Variants in ZMYM2 observed in about 807,000 individuals in gnomAD.
The protein encoded by ZMYM2 is zinc finger MYM-type protein 2.
ZMYM2 carries 56 observed loss-of-function variants against 162.8 expected under a neutral mutation model. That is an observed-to-expected ratio of 0.34 (90% CI 0.28 to 0.43). ZMYM2 has a LOEUF of 0.43. ZMYM2 is among the 20% of genes least tolerant of loss of function. The pLI is 1.00. For missense variants in ZMYM2, 1,275 were observed against 1,621.8 expected (o/e 0.79, Z 3.67); for synonymous variants, 510 against 541.6 (o/e 0.94, Z 0.81).
chr13:19,896,044 T>TTGA, the ZMYM2 span, among the ~76,000 whole-genome samples: 2 of 150,730 alleles, frequency 1.3e-5, no homozygotes, highest in Admixed American at 6.6e-5. Flanking sequence ...TTTTTTTTTT[T>TTGA]GAGAGAGTCT....
At chr13:19,907,161 T>C in the ZMYM2 span, among the ~76,000 whole-genome samples, 332 of 152,338 alleles carry the variant, frequency 2.2e-3, no homozygotes, top group Non-Finnish European at 3.5e-3. Context: ...TACTTACATA[T>C]TGAGTTGCAT....
At chr13:19,979,554 G>T (rs1011396073) in intron 2 of ZMYM2, among the ~76,000 whole-genome samples, 1 of 151,654 alleles carries the variant, frequency 6.6e-6, no homozygotes, top group Non-Finnish European at 1.5e-5. Flanking sequence ...AGAGAAAAGA[G>T]AAAATGGTCA....
chr13:20,062,591 A>G (rs1230303535), intron 17 of ZMYM2, among the ~76,000 whole-genome samples: 1 of 152,188 alleles, frequency 6.6e-6, no homozygotes, highest in Admixed American at 6.5e-5. Context: ...AAGCATACCT[A>G]TTAGCTTTTG....
intron 6 of ZMYM2, among the ~76,000 whole-genome samples, chr13:20,007,891 G>A (rs759706996): frequency 5.3e-5 from 8 of 152,148 alleles, no homozygotes; most frequent in African/African-American, 1.9e-4. Context: ...AAAGTGCTGG[G>A]ATTACAGGCA....
chr13:19,870,322 ATTTTTGTAT>A, the ZMYM2 span, among the ~76,000 whole-genome samples: 1 of 151,850 alleles, frequency 6.6e-6, no homozygotes, highest in Non-Finnish European at 1.5e-5. Flanking sequence ...TACCCAGCTA[ATTTTTGTAT>A]TTTTTGTAGT....
At chr13:19,986,686 A>G (rs947598042) in intron 2 of ZMYM2, among the ~76,000 whole-genome samples, 5 of 152,230 alleles carry the variant, frequency 3.3e-5, no homozygotes, top group South Asian at 2.1e-4. Context: ...TTTTTTAAAT[A>G]CAAGTACTGT....
intron 9 of ZMYM2, among the ~76,000 whole-genome samples, chr13:20,028,592 T>C (rs1952787862): frequency 6.6e-6 from 1 of 152,180 alleles, no homozygotes; most frequent in Admixed American, 6.5e-5. Flanking sequence ...CTCCTGCAGA[T>C]ATAAAATTCC....
intron 6 of ZMYM2, among the ~76,000 whole-genome samples, chr13:20,013,794 G>A (rs931674527): frequency 6.6e-6 from 1 of 152,096 alleles, no homozygotes; most frequent in Non-Finnish European, 1.5e-5. Flanking sequence ...TGATTATGGT[G>A]TATAATCCTT....
chr13:19,920,882 C>A, the ZMYM2 span, among the ~76,000 whole-genome samples: 5 of 151,994 alleles, frequency 3.3e-5, no homozygotes, highest in African/African-American at 4.8e-5. Flanking sequence ...CCTGCCTCAG[C>A]CTCCCGAGTA....
At chr13:19,877,468 TA>T in the ZMYM2 span, among the ~76,000 whole-genome samples, 1 of 152,112 alleles carries the variant, frequency 6.6e-6, no homozygotes, top group Non-Finnish European at 1.5e-5. Context: ...CCTGTGAGAG[TA>T]AGAACCTGCC....
intron 2 of ZMYM2, among the ~76,000 whole-genome samples, chr13:19,962,710 A>T (rs550023266): frequency 4.4e-4 from 67 of 150,720 alleles, no homozygotes; most frequent in African/African-American, 1.4e-3. Flanking sequence ...TTTTAGTAGA[A>T]ACAGGATTTC....
At chr13:19,990,480 T>C (rs1414421355) in intron 2 of ZMYM2, among the ~76,000 whole-genome samples, 3 of 152,242 alleles carry the variant, frequency 2.0e-5, no homozygotes, top group African/African-American at 7.2e-5. Context: ...TCTTATCATT[T>C]CGTATTTCAG....
the ZMYM2 span, among the ~76,000 whole-genome samples, chr13:19,934,124 A>G: frequency 6.6e-6 from 1 of 151,976 alleles, no homozygotes. Flanking sequence ...CTTATTTTTT[A>G]TGGTAGTTGT....
the ZMYM2 span, among the ~76,000 whole-genome samples, chr13:19,888,025 G>T: frequency 2.0e-5 from 3 of 151,706 alleles, no homozygotes; most frequent in East Asian, 5.8e-4. Context: ...GGGACTACAG[G>T]TGTGCCACCG....
the ZMYM2 span, among the ~76,000 whole-genome samples, chr13:19,942,539 C>T: frequency 1.7e-5 from 1 of 57,316 alleles, no homozygotes; most frequent in Non-Finnish European, 3.7e-5. Flanking sequence ...ACCGTCTCTA[C>T]AAAAAAAAAA....
At chr13:20,049,712 C>T (rs1488342444) in intron 12 of ZMYM2, among the ~76,000 whole-genome samples, 1 of 151,922 alleles carries the variant, frequency 6.6e-6, no homozygotes, top group Non-Finnish European at 1.5e-5. Context: ...CTTTCTAGAT[C>T]TTAGTTTGCA....
chr13:20,023,699 T>G (rs1328880309), intron 7 of ZMYM2, among the ~76,000 whole-genome samples: 1 of 152,210 alleles, frequency 6.6e-6, no homozygotes, highest in African/African-American at 2.4e-5. Flanking sequence ...CACAAAACTT[T>G]ACATCACTAA....
chr13:19,867,791 A>G, the ZMYM2 span, among the ~76,000 whole-genome samples: 3 of 152,204 alleles, frequency 2.0e-5, no homozygotes, highest in South Asian at 6.2e-4. Context: ...ACGTCCAGCT[A>G]ATTTTTGTAT....
chr13:19,966,125 TG>T (rs1341202629), intron 2 of ZMYM2, among the ~76,000 whole-genome samples: 12 of 148,084 alleles, frequency 8.1e-5, no homozygotes, highest in African/African-American at 2.8e-4. Context: ...TTTTTTTTTT[TG>T]TTTTTGTTTT....
Sources: gnomAD v4.1 joint callset for allele counts (sites outside exome capture counted in the v4.1 genomes callset) on GRCh38, gnomAD v4.1.1 for gene constraint, MANE v1.5 for transcripts, NCBI Gene and HGNC (gene_info 2026-07-23, HGNC 2026-07-21) for gene names.